The following UTRN variants were observed in gnomAD, a reference collection of about 807,000 sequenced individuals.
UTRN encodes dystrophin-related protein 1.
UTRN carries 283 observed loss-of-function variants against 463.9 expected under a neutral mutation model. The observed-to-expected ratio is 0.61, with a 90% CI of 0.55 to 0.67. UTRN has a LOEUF of 0.67. Among genes scored for constraint, UTRN ranks in the 30% least tolerant of loss-of-function variants. The probability of loss-of-function intolerance (pLI) is 0.00; values close to 1 mark genes in which losing one functional copy is unlikely to be tolerated. For missense variants in UTRN, 3,922 were observed against 4,084.3 expected (o/e 0.96, Z 1.08); for synonymous variants, 1,442 against 1,431.5 (o/e 1.01, Z -0.17).
chr6:144,555,353 A>G (rs1445270204), intron 49 of UTRN, among the ~76,000 whole-genome samples: 1 of 152,210 alleles, frequency 6.6e-6, no homozygotes, highest in East Asian at 1.9e-4. Flanking sequence ...ACTTAAAATC[A>G]TGGTGGAAGG....
intron 51 of UTRN, among the ~76,000 whole-genome samples, chr6:144,634,711 T>A (rs1348679668): frequency 6.6e-6 from 1 of 152,184 alleles, no homozygotes; most frequent in Non-Finnish European, 1.5e-5. Context: ...GCTGGAAACC[T>A]TGGGTCTACT....
At chr6:144,630,638 C>T (rs992941437) in intron 51 of UTRN, among the ~76,000 whole-genome samples, 6 of 152,276 alleles carry the variant, frequency 3.9e-5, no homozygotes, top group African/African-American at 1.4e-4. Flanking sequence ...TGGATGGGGA[C>T]ACAGAGCCAA....
chr6:144,292,996 T>C (rs2502642), intron 2 of UTRN, among the ~76,000 whole-genome samples: 16,224 of 152,238 alleles, frequency 0.11, 920 homozygotes, highest in East Asian at 0.23. Context: ...TGTAAATATG[T>C]AGCAACTATT....
At position 144,840,793 on chromosome 6, in the gene UTRN, G is replaced by T. The variant is rs904575343; in HGVS notation, c.10231G>T (p.Val3411Phe). The stretch of plus-strand genomic sequence containing the variant: ...CGACACCAGCACGGATCTCACGGAG[G>T]TCATGGAGCAGATTCACAGCACGTT... The part of the protein sequence containing the change: ...PHDTSTDLTE[V>F]MEQIHSTFPS... Residue 3411 changes from valine (V) to phenylalanine (F), a missense_variant, in exon 73 of 75, where the codon GTC (valine) becomes TTC (phenylalanine). Val to Phe is a conservative substitution (Grantham distance 50, BLOSUM62 -1). Transcript: ENST00000367545. The T allele has an allele frequency of 1.2e-6, 2 of 1,613,958 alleles. No individual in the cohort carries two copies. Among genetic ancestry groups the T allele is most frequent in the Non-Finnish European group, 1.7e-6 (2 of 1,179,988 alleles).
intron 2 of UTRN, among the ~76,000 whole-genome samples, chr6:144,346,404 A>G (rs185780766): frequency 3.9e-4 from 60 of 152,310 alleles, no homozygotes; most frequent in African/African-American, 1.4e-3. Context: ...ATGATTTCCA[A>G]TTTCACAAGG....
At chr6:144,418,670 C>T (rs1464827281) in intron 3 of UTRN, among the ~76,000 whole-genome samples, 1 of 152,040 alleles carries the variant, frequency 6.6e-6, no homozygotes, top group African/African-American at 2.4e-5. Context: ...TTTCCTGCCT[C>T]AGTCTCCCAA....
At chr6:144,717,627 CTTTTTTCTTTT>C (rs931287061) in intron 53 of UTRN, among the ~76,000 whole-genome samples, 8 of 112,682 alleles carry the variant, frequency 7.1e-5, no homozygotes, top group African/African-American at 2.2e-4. Context: ...TTTTTCTTTT[CTTTTTTCTTTT>C]TTTTTTTTTT....
chr6:144,293,508 G>A lies in UTRN; in HGVS notation c.79+1601G>A, dbSNP rs1047001169. Among the ~76,000 whole-genome samples the A allele has an allele frequency of 9.9e-5, 15 of 152,202 alleles. No homozygotes were observed. In the South Asian group the frequency reaches 2.9e-3, roughly 29 times the overall value. On this transcript the variant is annotated intron_variant, in intron 2 of 74. Transcript: ENST00000367545. The stretch of plus-strand genomic sequence containing the variant: ...AAATGATAACATGTTTTTAACACAT[G>A]CATATCAATTAACTGAGTAATTCTG...
chr6:144,712,151 C>A (rs1326025717), intron 53 of UTRN, among the ~76,000 whole-genome samples: 1 of 152,168 alleles, frequency 6.6e-6, no homozygotes, highest in African/African-American at 2.4e-5. Context: ...CCTCTCCAAC[C>A]TTTGCCAGTC....
intron 2 of UTRN, among the ~76,000 whole-genome samples, chr6:144,302,146 A>G (rs849668): frequency 0.22 from 33,804 of 151,936 alleles, 4,413 homozygotes; most frequent in East Asian, 0.42. Context: ...GTGTATGTCT[A>G]TATGCCTTTT....
rs590362 is a variant in UTRN at position 144,286,149 on chromosome 6, T to C, written c.-93+328T>C. On this transcript the variant is annotated intron_variant, in intron 1 of 74. Coordinates refer to ENST00000367545, the MANE Select transcript of UTRN (RefSeq NM_007124.3). This position sits in a 1 kb window ranked among gnomAD's most constrained non-coding sequence, Gnocchi z 4.4. ...GTGCTGCCTCCCTGCTCCCCTAATC[T>C]TCCTCCCCGCCGGGGTGACAGAGTC... Among the ~76,000 whole-genome samples the C allele has an allele frequency of 0.57, 87,377 of 152,118 alleles. 26,215 individuals carry two copies. Among genetic ancestry groups the C allele is most frequent in the African/African-American group, 0.77 (31,858 of 41,528 alleles).
intron 51 of UTRN, among the ~76,000 whole-genome samples, chr6:144,607,466 T>A (rs143845732): frequency 1.7e-4 from 26 of 152,320 alleles, no homozygotes; most frequent in African/African-American, 4.6e-4. Flanking sequence ...CTGAACCAAC[T>A]TTTACCATGG....
At chr6:144,518,560 A>C (rs1436640009) in intron 39 of UTRN, among the ~76,000 whole-genome samples, 1 of 151,904 alleles carries the variant, frequency 6.6e-6, no homozygotes, top group Admixed American at 6.6e-5. Flanking sequence ...ATCTTTTAAA[A>C]CTCAGCTCCA....
chr6:144,846,834 G>A lies in UTRN; in HGVS notation c.10293+7G>A, dbSNP rs757674922. The A allele has an allele frequency of 1.9e-6, 3 of 1,613,938 alleles. No individual in the cohort carries two copies. The highest frequency in any genetic ancestry group is 3.3e-5 in the Admixed American group (2 of 60,010). On this transcript the variant is annotated splice_region_variant and intron_variant, in intron 74 of 74. Coordinates refer to ENST00000367545, the MANE Select transcript of UTRN (RefSeq NM_007124.3). ...TGTTCCCAGCAGGCCACAGGTAAGA[G>A]TTAATGGCTTGGTTGGCTCTATGTT...
At chr6:144,547,905 G>A (rs1011760890) in intron 46 of UTRN, among the ~76,000 whole-genome samples, 2 of 152,050 alleles carry the variant, frequency 1.3e-5, no homozygotes, top group East Asian at 3.8e-4. Flanking sequence ...TTTACAGATT[G>A]GCTATACATT....
intron 2 of UTRN, among the ~76,000 whole-genome samples, chr6:144,350,672 C>T (rs376117422): frequency 9.9e-5 from 15 of 152,116 alleles, no homozygotes; most frequent in Non-Finnish European, 1.9e-4. Flanking sequence ...TGGACAAATT[C>T]GTCAGTGATT....
At chr6:144,415,308 G>A (rs935399670) in intron 3 of UTRN, among the ~76,000 whole-genome samples, 1 of 152,134 alleles carries the variant, frequency 6.6e-6, no homozygotes, top group Non-Finnish European at 1.5e-5. Context: ...TCTGAGTGCC[G>A]TGAAGTCAAG....
chr6:144,774,461 A>G (rs1775139169), intron 60 of UTRN, 97 bp downstream of exon 60: 1 of 1,107,978 alleles, frequency 9.0e-7, no homozygotes, highest in Admixed American at 2.9e-5. Context: ...GTGTTTGCCA[A>G]GTTAATCTGG....
intron 51 of UTRN, among the ~76,000 whole-genome samples, chr6:144,635,522 T>TC (rs1777056170): frequency 1.3e-5 from 1 of 75,402 alleles, no homozygotes; most frequent in Admixed American, 1.6e-4. Context: ...TTCTTTTTTT[T>TC]TTTTTTTCTT....
Sources: allele counts gnomAD v4.1 joint callset (sites outside exome capture counted in the v4.1 genomes callset), GRCh38; gene constraint gnomAD v4.1.1; non-coding constraint Gnocchi (gnomAD v3.1); transcripts MANE v1.5; gene names NCBI Gene and HGNC (gene_info 2026-07-23, HGNC 2026-07-21).